NRXN1: variants seen among roughly 807,000 people sequenced by gnomAD.
NRXN1 encodes the protein neurexin-1.
NRXN1 carries 39 observed loss-of-function variants against 150.9 expected under a neutral mutation model. The ratio of observed to expected loss-of-function variants is 0.26; its 90% CI spans 0.20 to 0.34. The LOEUF is 0.34. Ranked by LOEUF, NRXN1 falls within the 10% of genes least tolerant of loss-of-function variation. The pLI is 1.00. For synonymous variants in NRXN1, 924 were observed against 757.0 expected (o/e 1.22, Z -3.62); for missense variants, 1,815 against 1,949.9 (o/e 0.93, Z 1.30).
intron 2 of NRXN1, among the ~76,000 whole-genome samples, chr2:50,967,603 T>C (rs1352360587): frequency 6.6e-6 from 1 of 152,042 alleles, no homozygotes; most frequent in African/African-American, 2.4e-5. Context: ...TTTATAGAGA[T>C]GTAATGATTT....
chr2:50,694,537 T>C (rs1314059012), intron 5 of NRXN1, among the ~76,000 whole-genome samples: 2 of 152,182 alleles, frequency 1.3e-5, no homozygotes, highest in South Asian at 2.1e-4. Flanking sequence ...AGTCTGAGGA[T>C]TGTCCATTCA....
intron 17 of NRXN1, among the ~76,000 whole-genome samples, chr2:50,355,340 G>C (rs1453921925): frequency 6.6e-6 from 1 of 150,802 alleles, no homozygotes; most frequent in Non-Finnish European, 1.5e-5. Context: ...ATATTCTGAT[G>C]TCAATACTAT....
At chr2:50,801,997 C>G (rs1278883431) in intron 5 of NRXN1, among the ~76,000 whole-genome samples, 1 of 152,076 alleles carries the variant, frequency 6.6e-6, no homozygotes, top group Non-Finnish European at 1.5e-5. Context: ...CATAAGAATG[C>G]TAAAAATTGT....
At chr2:50,499,944 T>C (rs560559427) in intron 13 of NRXN1, among the ~76,000 whole-genome samples, 1 of 112,712 alleles carries the variant, frequency 8.9e-6, no homozygotes, top group African/African-American at 4.8e-5. Flanking sequence ...CAAGACTCCA[T>C]CTCAAAAAAA....
chr2:50,669,060 G>A (rs1688467202), intron 5 of NRXN1, among the ~76,000 whole-genome samples: 1 of 151,966 alleles, frequency 6.6e-6, no homozygotes, highest in African/African-American at 2.4e-5. Flanking sequence ...AGGAGAAATG[G>A]GAGGGGAGGA....
intron 22 of NRXN1, among the ~76,000 whole-genome samples, chr2:49,940,604 A>C (rs1671814817): frequency 6.6e-6 from 1 of 152,244 alleles, no homozygotes; most frequent in South Asian, 2.1e-4. Flanking sequence ...CCCATATTCC[A>C]AGAAAAAAGT....
intron 5 of NRXN1, among the ~76,000 whole-genome samples, chr2:50,672,014 A>C (rs77813237): frequency 0.017 from 2,633 of 152,020 alleles, 100 homozygotes; most frequent in African/African-American, 0.061. Context: ...TCAACTTGGT[A>C]CCTAACCTAA....
At chr2:49,959,214 C>T (rs1322505052) in intron 21 of NRXN1, among the ~76,000 whole-genome samples, 1 of 152,060 alleles carries the variant, frequency 6.6e-6, no homozygotes, top group East Asian at 1.9e-4. Context: ...GAAGCCAAGC[C>T]TCCTTTTGTG....
intron 2 of NRXN1, among the ~76,000 whole-genome samples, chr2:51,016,260 G>A (rs1437796023): frequency 6.6e-6 from 1 of 151,996 alleles, no homozygotes; most frequent in Non-Finnish European, 1.5e-5. Flanking sequence ...TGACATATGG[G>A]GTCTAATTAA....
At chr2:50,742,332 C>T (rs1699529311) in intron 5 of NRXN1, among the ~76,000 whole-genome samples, 1 of 151,632 alleles carries the variant, frequency 6.6e-6, no homozygotes, top group South Asian at 2.1e-4. Flanking sequence ...TACATCACTT[C>T]TGCTATCCAA....
At chr2:50,191,189 C>T (rs2061419473) in intron 18 of NRXN1, among the ~76,000 whole-genome samples, 1 of 143,750 alleles carries the variant, frequency 7.0e-6, no homozygotes, top group African/African-American at 2.6e-5. Flanking sequence ...CCATCATGCT[C>T]AGCTAATTGT....
chr2:50,169,484 G>A (rs1051336636), intron 18 of NRXN1, among the ~76,000 whole-genome samples: 1 of 152,126 alleles, frequency 6.6e-6, no homozygotes, highest in Non-Finnish European at 1.5e-5. Context: ...GGAGGCCAAG[G>A]AGGGCGGATT....
At chr2:50,754,807 C>G (rs1027149503) in intron 5 of NRXN1, among the ~76,000 whole-genome samples, 2 of 151,840 alleles carry the variant, frequency 1.3e-5, no homozygotes, top group Non-Finnish European at 2.9e-5. Context: ...CAGAGCAATG[C>G]TCATTAAAAA....
chr2:50,157,883 G>C (rs977276638), intron 18 of NRXN1, among the ~76,000 whole-genome samples: 1 of 151,850 alleles, frequency 6.6e-6, no homozygotes, highest in Non-Finnish European at 1.5e-5. Flanking sequence ...TTGAGGTATT[G>C]AGGGGCCATT....
intron 5 of NRXN1, among the ~76,000 whole-genome samples, chr2:50,764,433 AACTG>A (rs754980970): frequency 6.6e-6 from 1 of 152,024 alleles, no homozygotes; most frequent in East Asian, 1.9e-4. Flanking sequence ...ATCCCTTAGC[AACTG>A]ACTATTTCAG....
chr2:50,414,191 A>T (rs2083381112), intron 17 of NRXN1, among the ~76,000 whole-genome samples: 1 of 152,164 alleles, frequency 6.6e-6, no homozygotes, highest in Non-Finnish European at 1.5e-5. Flanking sequence ...AAAATAACTT[A>T]AAAGAGTGTA....
At position 49,921,931 on chromosome 2, in the gene NRXN1, T is replaced by G. The variant is rs199777715; in HGVS notation, c.*13A>C. On this transcript the variant is annotated 3_prime_UTR_variant, in exon 23 of 23. Transcript: ENST00000401669. ...GACTATTTCTATACAAGTGTCCATT[T>G]AAGATCTTGGGATCAGACATAATAC... 18 of 1,613,178 alleles carry G rather than the reference T, an allele frequency of 1.1e-5. No homozygotes were observed. The highest frequency in any genetic ancestry group is 6.7e-5 in the Admixed American group (4 of 60,012).
chr2:50,621,780 A>T (rs948849310), intron 6 of NRXN1, among the ~76,000 whole-genome samples: 2 of 152,172 alleles, frequency 1.3e-5, no homozygotes, highest in Non-Finnish European at 2.9e-5. Flanking sequence ...TCCTTCGGTC[A>T]TATTGATGGA....
intron 5 of NRXN1, chr2:50,696,199 T>A (rs1427297618): frequency 6.6e-6 from 1 of 152,116 alleles, no homozygotes; most frequent in East Asian, 1.9e-4. Flanking sequence ...TGTGTGTGTG[T>A]GTGTGTGTGT....
Sources: gnomAD v4.1 joint callset for allele counts (sites outside exome capture counted in the v4.1 genomes callset) on GRCh38, gnomAD v4.1.1 for gene constraint, MANE v1.5 for transcripts, NCBI Gene and HGNC (gene_info 2026-07-23, HGNC 2026-07-21) for gene names.